The following MYBL2 variants were observed in gnomAD, a reference collection of about 807,000 sequenced individuals.
MYBL2 encodes the protein MYB proto-oncogene like 2, also known as myb-related protein B.
In MYBL2, 28 loss-of-function variants were observed where a neutral mutation model predicts 79.9. The observed-to-expected ratio is 0.35, with a 90% CI of 0.26 to 0.48. The LOEUF (loss-of-function observed/expected upper bound fraction) is 0.48, where lower values mean the gene tolerates loss of function less well. Among genes scored for constraint, MYBL2 ranks in the 20% least tolerant of loss-of-function variants. MYBL2 has a pLI of 0.99. For missense variants in MYBL2, 735 were observed against 893.9 expected, an observed-to-expected ratio of 0.82 and a Z score of 2.27; for synonymous variants, 378 against 361.2, an observed-to-expected ratio of 1.05 and a Z score of -0.53.
chr20:43,715,112 C>T lies in MYBL2; in HGVS notation c.1825-22C>T, dbSNP rs1484308219. 3.1e-6 allele frequency: 5 copies of T among 1,613,466 alleles called. No individual in the cohort carries two copies. In the East Asian group the frequency reaches 1.1e-4, roughly 36 times the overall value. ...ACAGCTTCTCGCAAAATGGTGACTCCTTGACTTGGTTTTGGTTTCAGCCGA... is the reference window on the plus strand; with the variant it reads ...ACAGCTTCTCGCAAAATGGTGACTCTTTGACTTGGTTTTGGTTTCAGCCGA... On this transcript the variant is annotated intron_variant, in intron 12 of 13. Coordinates refer to ENST00000217026, the MANE Select transcript of MYBL2 (RefSeq NM_002466.4).
Position 43,687,003 on chromosome 20 carries a change from G to A in MYBL2, c.431G>A (p.Arg144His), listed in dbSNP as rs1198445000. Residue 144 changes from arginine (R) to histidine (H), a missense_variant, in exon 5 of 14, where the codon CGC becomes CAC. Arg to His is a conservative substitution (Grantham distance 29, BLOSUM62 0). Coordinates refer to ENST00000217026, the MANE Select transcript of MYBL2 (RefSeq NM_002466.4). ...TCTTGCTGGACCGAGGAGGAGGACCGCATCATCTGCGAGGCCCACAAGGTG... is the reference window on the plus strand; with the variant it reads ...TCTTGCTGGACCGAGGAGGAGGACCACATCATCTGCGAGGCCCACAAGGTG... ...KKSCWTEEED[R>H]IICEAHKVLG... The A allele has an allele frequency of 1.6e-5, 26 of 1,613,994 alleles. No homozygotes were observed. The highest frequency in any genetic ancestry group is 3.3e-5 in the South Asian group (3 of 91,054).
At chr20:43,711,161 G>C (rs1568880359) in intron 10 of MYBL2, among the ~76,000 whole-genome samples, 2 of 152,180 alleles carry the variant, frequency 1.3e-5, no homozygotes, top group African/African-American at 4.8e-5. Context: ...CAGCAGCTGT[G>C]TGACTGTGTG....
At chr20:43,682,655 C>T in intron 3 of MYBL2, 139 bp from the exon 4 acceptor site, 1 of 719,472 alleles carries the variant, frequency 1.4e-6, no homozygotes, top group Admixed American at 2.1e-5. Flanking sequence ...TGAGTGGTGG[C>T]TGCATGGAAC....
chr20:43,683,053 G>A (rs1412262246), intron 4 of MYBL2, among the ~76,000 whole-genome samples, 167 bp downstream of exon 4: 1 of 152,158 alleles, frequency 6.6e-6, no homozygotes, highest in East Asian at 1.9e-4. Flanking sequence ...CTCCAGCCCT[G>A]AGATTCCAAG....
intron 12 of MYBL2, among the ~76,000 whole-genome samples, chr20:43,713,381 CTTTTTTTTTCTTTT>C (rs1049271078): frequency 1.3e-5 from 2 of 148,442 alleles, no homozygotes; most frequent in Non-Finnish European, 3.0e-5. Context: ...AGTGATGTGT[CTTTTTTTTTCTTTT>C]TTTTTTTTTG....
At chr20:43,705,814 C>T (rs1987769031) in intron 9 of MYBL2, among the ~76,000 whole-genome samples, 2 of 152,038 alleles carry the variant, frequency 1.3e-5, no homozygotes, top group Admixed American at 1.3e-4. Flanking sequence ...CATTCTCCTG[C>T]CTCAGCCTCC....
At chr20:43,701,119 A>C (rs1987666814) in intron 7 of MYBL2, among the ~76,000 whole-genome samples, 1 of 152,234 alleles carries the variant, frequency 6.6e-6, no homozygotes, top group African/African-American at 2.4e-5. Flanking sequence ...AGGTTCACAC[A>C]GCCGGTGACC....
intron 7 of MYBL2, among the ~76,000 whole-genome samples, chr20:43,701,063 C>CA (rs1246978579): frequency 6.6e-6 from 1 of 152,158 alleles, no homozygotes; most frequent in Non-Finnish European, 1.5e-5. Flanking sequence ...GTGGACTCAT[C>CA]AACAGTGAGA....
chr20:43,679,469 C>T (rs1173056385), intron 2 of MYBL2, among the ~76,000 whole-genome samples: 1 of 151,984 alleles, frequency 6.6e-6, no homozygotes, highest in African/African-American at 2.4e-5. Flanking sequence ...ACTTTTTCAT[C>T]TTTGAAATTG....
chr20:43,677,726 G>A (rs541431005), intron 2 of MYBL2, among the ~76,000 whole-genome samples: 1 of 152,014 alleles, frequency 6.6e-6, no homozygotes, highest in African/African-American at 2.4e-5. Context: ...TCCGGGAGGT[G>A]AGGGGCGCCT....
At chr20:43,714,419 T>C (rs977681914) in intron 12 of MYBL2, among the ~76,000 whole-genome samples, 1 of 152,186 alleles carries the variant, frequency 6.6e-6, no homozygotes, top group South Asian at 2.1e-4. Context: ...TACTGGATAA[T>C]GCTCAGTGAT....
chr20:43,667,404 G>GGT (rs1288154683), intron 1 of MYBL2, 101 bp downstream of exon 1: 220 of 867,850 alleles, frequency 2.5e-4, no homozygotes, highest in African/African-American at 8.1e-4. Flanking sequence ...ACCAAGCTGG[G>GGT]GTGTGTGTGT....
At chr20:43,702,360 T>C in intron 7 of MYBL2, 130 bp from the exon 8 acceptor site, 2 of 1,023,436 alleles carry the variant, frequency 2.0e-6, no homozygotes, top group Non-Finnish European at 2.9e-6. Flanking sequence ...TTTGAGGAAA[T>C]GCATGAAATA....
chr20:43,690,874 G>A (rs1257055862), intron 5 of MYBL2, among the ~76,000 whole-genome samples: 5 of 152,250 alleles, frequency 3.3e-5, no homozygotes, highest in Middle Eastern at 6.8e-3. Flanking sequence ...GTGAGCCACC[G>A]CGCCTGACCT....
intron 2 of MYBL2, among the ~76,000 whole-genome samples, chr20:43,680,364 A>G (rs571305624): frequency 6.6e-6 from 1 of 152,280 alleles, no homozygotes; most frequent in Non-Finnish European, 1.5e-5. Flanking sequence ...TGTGAGTGGA[A>G]TCCTGAGTAT....
chr20:43,699,660 GT>G, intron 6 of MYBL2, 96 bp from the exon 7 acceptor site: 1 of 1,344,774 alleles, frequency 7.4e-7, no homozygotes, highest in Non-Finnish European at 1.0e-6. Flanking sequence ...GTTCATCACA[GT>G]TTCCTTCTTA....
At chr20:43,695,256 G>C (rs1185316101) in intron 6 of MYBL2, among the ~76,000 whole-genome samples, 6 of 152,044 alleles carry the variant, frequency 3.9e-5, no homozygotes, top group Non-Finnish European at 8.8e-5. Flanking sequence ...GGCCAGGCTG[G>C]TCTTGAACTC....
intron 8 of MYBL2, among the ~76,000 whole-genome samples, chr20:43,703,304 G>A (rs1463710237): frequency 6.6e-6 from 1 of 152,108 alleles, no homozygotes; most frequent in Non-Finnish European, 1.5e-5. Context: ...CTGGTCCTGG[G>A]AAGACCTGGG....
chr20:43,693,217 A>T (rs1159098656), intron 6 of MYBL2, among the ~76,000 whole-genome samples: 1 of 152,138 alleles, frequency 6.6e-6, no homozygotes, highest in Non-Finnish European at 1.5e-5. Flanking sequence ...TTTTTAGTAG[A>T]GATGGGGTTT....
Sources: allele counts gnomAD v4.1 joint callset (sites outside exome capture counted in the v4.1 genomes callset), GRCh38; gene constraint gnomAD v4.1.1; transcripts MANE v1.5; gene names NCBI Gene and HGNC (gene_info 2026-07-23, HGNC 2026-07-21).